Variants in LRP1B observed in about 807,000 individuals in gnomAD.
The protein encoded by LRP1B is LDL receptor related protein 1B.
LRP1B carries 217 observed loss-of-function variants against 556.6 expected under a neutral mutation model. That is an observed-to-expected ratio of 0.39 (90% confidence interval 0.35 to 0.44). The LOEUF is 0.44. Ranked by LOEUF, LRP1B falls within the 20% of genes least tolerant of loss-of-function variation. The pLI is 1.00. For synonymous variants in LRP1B, 2,047 were observed against 1,865.8 expected (o/e 1.10, Z -2.50); for missense variants, 5,053 against 5,620.8 (o/e 0.90, Z 3.23).
intron 2 of LRP1B, among the ~76,000 whole-genome samples, chr2:141,516,806 T>C (rs1464427545): frequency 6.6e-6 from 1 of 151,164 alleles, no homozygotes; most frequent in African/African-American, 2.4e-5. Context: ...CAAGTGATTC[T>C]CTTGCCTCAG....
At chr2:140,778,819 T>C (rs995859105) in intron 32 of LRP1B, among the ~76,000 whole-genome samples, 11 of 152,092 alleles carry the variant, frequency 7.2e-5, no homozygotes, top group Admixed American at 7.2e-4. Flanking sequence ...CAACATCTCC[T>C]GAATCAGATA....
chr2:140,863,465 C>G (rs185788150), intron 27 of LRP1B, among the ~76,000 whole-genome samples: 2 of 152,266 alleles, frequency 1.3e-5, no homozygotes. Context: ...ATAAGCCCTC[C>G]ATTAATTTTA....
intron 52 of LRP1B, among the ~76,000 whole-genome samples, chr2:140,509,615 T>C (rs1356932963): frequency 1.3e-5 from 2 of 152,182 alleles, no homozygotes; most frequent in African/African-American, 4.8e-5. Context: ...AAAGAGAAAG[T>C]ACCAAACCTA....
At chr2:140,930,679 C>G (rs1695022424) in intron 20 of LRP1B, among the ~76,000 whole-genome samples, 1 of 152,130 alleles carries the variant, frequency 6.6e-6, no homozygotes, top group East Asian at 1.9e-4. Flanking sequence ...GGAGTTTACA[C>G]CTTTAACTTG....
At chr2:140,565,097 A>G (rs970134039) in intron 43 of LRP1B, among the ~76,000 whole-genome samples, 1 of 141,796 alleles carries the variant, frequency 7.1e-6, no homozygotes, top group Non-Finnish European at 1.6e-5. Context: ...TTCTAAGTGG[A>G]AAAAAAGTAG....
Position 142,044,681 on chromosome 2 carries a change from T to C in LRP1B, c.82+85967A>G, listed in dbSNP as rs1385845385. 4.6e-5 allele frequency among the ~76,000 whole-genome samples: 7 copies of C among 151,788 alleles called. No homozygotes were observed. The East Asian group carries it at 9.7e-4, about 21-fold the overall frequency. On this transcript the variant is annotated intron_variant, in intron 1 of 90. Transcript: ENST00000389484. ...CCCCAAGGATATTCATCAATTCTAT[T>C]CTTTTCTCTTTATGACTATTTCCTT...
At chr2:140,740,920 T>C (rs2104866643) in intron 35 of LRP1B, among the ~76,000 whole-genome samples, 1 of 152,120 alleles carries the variant, frequency 6.6e-6, no homozygotes, top group East Asian at 1.9e-4. Context: ...GGCCCTAATA[T>C]GGTCACATAC....
At chr2:142,049,072 A>G (rs1704354877) in intron 1 of LRP1B, among the ~76,000 whole-genome samples, 1 of 152,078 alleles carries the variant, frequency 6.6e-6, no homozygotes, top group South Asian at 2.1e-4. Context: ...CATTTTCATT[A>G]AATGTATGAA....
chr2:141,078,713 T>C (rs921418089), intron 7 of LRP1B, among the ~76,000 whole-genome samples: 4 of 152,192 alleles, frequency 2.6e-5, no homozygotes, highest in Non-Finnish European at 5.9e-5. Flanking sequence ...TCCCAGGCAA[T>C]GTGTTAAGGC....
Position 140,595,682 on chromosome 2 carries a change from A to G in LRP1B, c.7194+2949T>C, listed in dbSNP as rs183222251. Among the ~76,000 whole-genome samples, 534 of 152,264 alleles carry G rather than the reference A, an allele frequency of 3.5e-3. 2 individuals are homozygous for G. The highest frequency in any genetic ancestry group is 0.017 in the South Asian group (84 of 4,822). On this transcript the variant is annotated intron_variant, in intron 43 of 90. Transcript: ENST00000389484. ...TTTACAACTAAATTAATTATAAAGT[A>G]TAAGAGCTTTGATTCCCACTAGTAT...
chr2:140,453,754 T>C (rs1283821036), intron 62 of LRP1B, among the ~76,000 whole-genome samples: 1 of 152,180 alleles, frequency 6.6e-6, no homozygotes, highest in East Asian at 1.9e-4. Context: ...TCAGATTATG[T>C]TTTCAATCCT....
chr2:140,620,038 T>C (rs487419), intron 41 of LRP1B, among the ~76,000 whole-genome samples: 13,097 of 152,254 alleles, frequency 0.086, 846 homozygotes, highest in African/African-American at 0.17. Flanking sequence ...TTTTGTCTTT[T>C]TGTCTTTTCC....
intron 7 of LRP1B, among the ~76,000 whole-genome samples, chr2:141,152,454 T>A (rs1282530517): frequency 6.6e-6 from 1 of 151,950 alleles, no homozygotes; most frequent in Admixed American, 6.6e-5. Context: ...CAACTCCACC[T>A]TCTTCCCTAA....
At chr2:141,279,300 A>G (rs1045399596) in intron 3 of LRP1B, among the ~76,000 whole-genome samples, 1 of 152,098 alleles carries the variant, frequency 6.6e-6, no homozygotes, top group Admixed American at 6.5e-5. Context: ...GCATATACTC[A>G]GGAGAATTCA....
intron 56 of LRP1B, 96 bp downstream of exon 56, chr2:140,495,469 G>C: frequency 9.1e-7 from 1 of 1,102,020 alleles, no homozygotes; most frequent in Non-Finnish European, 1.3e-6. Flanking sequence ...TTTTTCAGAA[G>C]CATCAAGGAG....
chr2:140,681,746 TA>T (rs1326196294), intron 41 of LRP1B, among the ~76,000 whole-genome samples: 23 of 152,220 alleles, frequency 1.5e-4, no homozygotes, highest in African/African-American at 5.3e-4. Context: ...TCATAGATAT[TA>T]AAAACACTAA....
chr2:141,732,288 T>C (rs1287014718), intron 2 of LRP1B, among the ~76,000 whole-genome samples: 2 of 152,182 alleles, frequency 1.3e-5, no homozygotes, highest in Non-Finnish European at 2.9e-5. Flanking sequence ...CTGGAGTAGA[T>C]AGTAGGACAT....
intron 41 of LRP1B, among the ~76,000 whole-genome samples, chr2:140,669,822 T>A (rs943953618): frequency 6.6e-6 from 1 of 152,148 alleles, no homozygotes; most frequent in Admixed American, 6.5e-5. Context: ...CCATGTCTTA[T>A]ACAATATTTC....
Position 141,505,251 on chromosome 2 carries a change from T to A in LRP1B, c.206-24718A>T, listed in dbSNP as rs557189079. Among the ~76,000 whole-genome samples, 61 of 152,070 alleles carry A rather than the reference T, an allele frequency of 4.0e-4. 1 individual carries two copies. The highest frequency in any genetic ancestry group is 1.2e-3 in the African/African-American group (48 of 41,532). ...ATATTCTTTGATCTCCTGCTCCCTG[T>A]AACCATTTCTTCATATATTCAGAGG... is the stretch of plus-strand genomic sequence containing the variant. On this transcript the variant is annotated intron_variant, in intron 2 of 90. Coordinates refer to ENST00000389484, the MANE Select transcript of LRP1B (RefSeq NM_018557.3).
Sources: allele counts gnomAD v4.1 joint callset (sites outside exome capture counted in the v4.1 genomes callset), GRCh38; gene constraint gnomAD v4.1.1; transcripts MANE v1.5; gene names NCBI Gene and HGNC (gene_info 2026-07-23, HGNC 2026-07-21).